The following NDST4 variants were observed in gnomAD, a reference collection of about 807,000 sequenced individuals.
The protein encoded by NDST4 is N-deacetylase and N-sulfotransferase 4, also known as N-heparan sulfate sulfotransferase 4.
A neutral mutation model predicts 100.8 loss-of-function variants in NDST4; 63 were observed. The observed-to-expected ratio is 0.62, with a 90% CI of 0.51 to 0.77. The LOEUF is 0.77. Among genes scored for constraint, NDST4 ranks in the 30% least tolerant of loss-of-function variants. The probability of loss-of-function intolerance (pLI) is 0.00; values close to 1 mark genes in which losing one functional copy is unlikely to be tolerated. For synonymous variants in NDST4, 377 were observed against 361.8 expected (o/e 1.04, Z -0.48); for missense variants, 943 against 1,018.4 (o/e 0.93, Z 1.01).
chr4:115,036,989 A>T (rs1156290109), intron 2 of NDST4, among the ~76,000 whole-genome samples: 3 of 152,024 alleles, frequency 2.0e-5, no homozygotes, highest in Non-Finnish European at 4.4e-5. Context: ...TTTATATATT[A>T]TTTTGCTTGA....
intron 2 of NDST4, among the ~76,000 whole-genome samples, chr4:115,053,985 T>C (rs1171075175): frequency 6.6e-6 from 1 of 152,096 alleles, no homozygotes; most frequent in Non-Finnish European, 1.5e-5. Flanking sequence ...CTTTGGCTCT[T>C]AGTAAAGAGT....
chr4:114,844,493 A>G (rs1237999143), intron 10 of NDST4, among the ~76,000 whole-genome samples: 2 of 152,194 alleles, frequency 1.3e-5, no homozygotes, highest in Admixed American at 6.5e-5. Flanking sequence ...TGCGTTTAAC[A>G]TATACTGTAT....
At chr4:115,043,128 A>T (rs1728389505) in intron 2 of NDST4, among the ~76,000 whole-genome samples, 1 of 152,110 alleles carries the variant, frequency 6.6e-6, no homozygotes, top group Non-Finnish European at 1.5e-5. Context: ...ATTCAGTTTT[A>T]AAATTTATTT....
In NDST4 at chr4:115,077,195, G is replaced by A. The variant is rs561853489; in HGVS notation, c.-159C>T. The A allele has an allele frequency of 4.5e-6, 3 of 662,570 alleles. No homozygotes were observed. The East Asian group carries it at 8.5e-5, about 19-fold the overall frequency. 41.0% of individuals were successfully genotyped at this position (662,570 alleles called of 1,614,324 possible). On this transcript the variant is annotated 5_prime_UTR_variant, in exon 2 of 14. The change creates a premature stop within an existing upstream ORF in the 5' untranslated region. Transcript: ENST00000264363. Reference sequence around the variant, plus strand: ...AAGGGAGCACAACTGAGTTAAAGCTGGAAGGCAATAGATGGGAAGGATATA... The same window carrying A: ...AAGGGAGCACAACTGAGTTAAAGCTAGAAGGCAATAGATGGGAAGGATATA...
chr4:115,018,809 A>G (rs1727745981), intron 2 of NDST4, among the ~76,000 whole-genome samples: 1 of 151,986 alleles, frequency 6.6e-6, no homozygotes, highest in Non-Finnish European at 1.5e-5. Context: ...AAAATATATT[A>G]ATATCAATAC....
intron 4 of NDST4, among the ~76,000 whole-genome samples, chr4:114,963,193 A>G (rs1349708795): frequency 3.9e-5 from 6 of 152,172 alleles, no homozygotes; most frequent in Non-Finnish European, 2.9e-5. Flanking sequence ...TAAGGAATGG[A>G]TATATAATAG....
intron 6 of NDST4, among the ~76,000 whole-genome samples, chr4:114,872,372 G>A (rs184940496): frequency 2.0e-4 from 30 of 152,070 alleles, no homozygotes; most frequent in African/African-American, 6.7e-4. Context: ...GATTCATATG[G>A]AATCATTTAA....
intron 2 of NDST4, among the ~76,000 whole-genome samples, chr4:115,034,770 A>C (rs1381922917): frequency 6.6e-6 from 1 of 152,074 alleles, no homozygotes; most frequent in Non-Finnish European, 1.5e-5. Context: ...GCCTGCTCCA[A>C]CCTGATTACT....
intron 6 of NDST4, among the ~76,000 whole-genome samples, chr4:114,932,196 A>C (rs1406492475): frequency 6.6e-6 from 1 of 152,018 alleles, no homozygotes; most frequent in Non-Finnish European, 1.5e-5. Flanking sequence ...CAACATATGC[A>C]AATCCATAAG....
At chr4:115,071,281 CA>C (rs1729072738) in intron 2 of NDST4, among the ~76,000 whole-genome samples, 1 of 24,850 alleles carries the variant, frequency 4.0e-5, no homozygotes, top group African/African-American at 2.2e-4. Flanking sequence ...TGCCTTCACA[CA>C]CACACACACA....
intron 2 of NDST4, among the ~76,000 whole-genome samples, chr4:115,033,703 C>A (rs1728171793): frequency 6.6e-6 from 1 of 151,938 alleles, no homozygotes; most frequent in Admixed American, 6.6e-5. Flanking sequence ...AGAAAGACTG[C>A]ACAATATAAA....
chr4:114,926,356 C>T (rs1725386739), intron 6 of NDST4, among the ~76,000 whole-genome samples: 1 of 151,944 alleles, frequency 6.6e-6, no homozygotes. Flanking sequence ...AATCAAGAAA[C>T]CCCATTCCTT....
chr4:114,992,545 GT>G (rs758350450), intron 2 of NDST4, among the ~76,000 whole-genome samples: 6,074 of 137,382 alleles, frequency 0.044, 274 homozygotes, highest in African/African-American at 0.12. Flanking sequence ...TTATAGGAAG[GT>G]TTTTTTTTTT....
intron 3 of NDST4, among the ~76,000 whole-genome samples, chr4:114,974,749 C>A (rs1212052804): frequency 6.6e-6 from 1 of 152,054 alleles, no homozygotes; most frequent in African/African-American, 2.4e-5. Context: ...TAGTGGTATG[C>A]CCTTTTGAGG....
At chr4:114,831,291 A>T (rs1723195770) in intron 12 of NDST4, among the ~76,000 whole-genome samples, 1 of 151,798 alleles carries the variant, frequency 6.6e-6, no homozygotes, top group Non-Finnish European at 1.5e-5. Flanking sequence ...TGACCTCATG[A>T]TCCACCCGCC....
chr4:114,946,446 G>T (rs184354995), intron 4 of NDST4, among the ~76,000 whole-genome samples: 30 of 152,188 alleles, frequency 2.0e-4, no homozygotes, highest in African/African-American at 7.2e-4. Context: ...AAGGGGTACG[G>T]GTTGCAAAAT....
rs1325479396 is a variant in NDST4, at chr4:114,834,721, C to T, written c.2287-1006G>A. ...CCCTCTTTGTAACTCTGGTAGAATT[C>T]GGCTGTGAAGCAGTCTGATCCTGTG... On this transcript the variant is annotated intron_variant, in intron 11 of 13. Transcript: ENST00000264363. Among the ~76,000 whole-genome samples the T allele has an allele frequency of 5.9e-5, 9 of 151,992 alleles. No homozygotes were observed. The South Asian group carries it at 6.2e-4, about 11-fold the overall frequency.
Position 114,829,853 on chromosome 4 carries a change from T to A in NDST4, c.2436A>T (p.Glu812Asp). The A allele has an allele frequency of 6.2e-7, 1 of 1,612,346 alleles. No homozygotes were observed. ...TTCCAAGGCATTTTGTCTTTCCTCC[T>A]TCCAGTAATTGACACCAAAAACCCT... Reference protein sequence around the residue: ...PQKGFWCQLLEGGKTKCLGKS... With the variant: ...PQKGFWCQLLDGGKTKCLGKS... Residue 812 changes from glutamate (E) to aspartate (D), a missense_variant, in exon 13 of 14, where the codon GAA (glutamate) becomes GAT (aspartate). Transcript: ENST00000264363.
intron 6 of NDST4, among the ~76,000 whole-genome samples, chr4:114,923,639 A>T (rs995004157): frequency 2.1e-4 from 32 of 151,884 alleles, no homozygotes; most frequent in Non-Finnish European, 2.9e-5. Context: ...TTTTTTTCTT[A>T]TTATGAATTC....
Sources: allele counts gnomAD v4.1 joint callset (sites outside exome capture counted in the v4.1 genomes callset), GRCh38; gene constraint gnomAD v4.1.1; transcripts MANE v1.5; gene names NCBI Gene and HGNC (gene_info 2026-07-23, HGNC 2026-07-21).